The following NID2 variants were observed in gnomAD, a reference collection of about 807,000 sequenced individuals.
NID2 encodes the protein nidogen-2.
A neutral mutation model predicts 145.4 loss-of-function variants in NID2; 83 were observed. The observed-to-expected ratio is 0.57, with a 90% CI of 0.48 to 0.69. NID2 has a LOEUF of 0.69. NID2 is among the 30% of genes least tolerant of loss of function. NID2 has a pLI of 0.00. For missense variants in NID2, 1,807 were observed against 1,765.7 expected, an observed-to-expected ratio of 1.02 and a Z score of -0.42; for synonymous variants, 739 against 701.3, an observed-to-expected ratio of 1.05 and a Z score of -0.85.
In NID2 at chr14:52,053,677, A is replaced by G. The variant is rs756441750; in HGVS notation, c.1331T>C (p.Ile444Thr). 3 of 1,614,192 alleles carry G rather than the reference A, an allele frequency of 1.9e-6. No homozygotes were observed. The highest frequency in any genetic ancestry group is 2.5e-6 in the Non-Finnish European group (3 of 1,180,034). ...TGAAGCAGGGTAACTTCGAAGAACA[A>G]TTTCTTCTTCAGGATGAGCTGGGGG... The part of the protein sequence containing the change: ...DVPPAHPEEE[I>T]VLRSYPASGH... The change falls in exon 5 of 22, where the codon ATT becomes ACT. Residue 444 changes from isoleucine to threonine, a missense_variant. Coordinates refer to ENST00000216286, the MANE Select transcript of NID2 (RefSeq NM_007361.4).
rs544038948 is a variant in NID2, at chr14:52,043,032, TAACA to T, written c.1430-105_1430-102del. On this transcript the variant is annotated intron_variant, in intron 5 of 21. Transcript: ENST00000216286. ...TGCTCCATAGAAGCAGTTTAGATCATAACAAACAGTTTTTGATGTTTAAGAGACC... is the reference window on the plus strand; with the variant it reads ...TGCTCCATAGAAGCAGTTTAGATCATAACAGTTTTTGATGTTTAAGAGACC... 400 of 1,133,508 alleles carry T rather than the reference TAACA, an allele frequency of 3.5e-4. 4 individuals carry two copies. The African/African-American group carries it at 5.2e-3, about 15-fold the overall frequency. 70.2% of individuals were successfully genotyped at this position (1,133,508 alleles called of 1,614,324 possible).
intron 9 of NID2, among the ~76,000 whole-genome samples, chr14:52,034,598 G>T (rs778094041): frequency 5.3e-5 from 8 of 152,196 alleles, no homozygotes; most frequent in East Asian, 1.9e-4. Flanking sequence ...AGTCACTTTC[G>T]CATCCTAGAA....
rs575944489 is a variant in NID2 at position 52,005,061 on chromosome 14, T to G, written c.*425A>C. 1 of 160,800 alleles carries G rather than the reference T, an allele frequency of 6.2e-6. No homozygotes were observed. Among genetic ancestry groups the G allele is most frequent in the South Asian group, 2.0e-4 (1 of 4,988 alleles). 10.0% of individuals were successfully genotyped at this position (160,800 alleles called of 1,614,324 possible). A position where few individuals can be genotyped will look rare whatever the true frequency, so the allele number is the denominator to read the frequency against. On this transcript the variant is annotated 3_prime_UTR_variant, in exon 22 of 22. Coordinates refer to ENST00000216286, the MANE Select transcript of NID2 (RefSeq NM_007361.4). Reference sequence around the variant, plus strand: ...CTTTCCCATCAGTTCTGCATTGGCTTCTCCAACTGTCAAGGTTTAGGATTA... The same window carrying G: ...CTTTCCCATCAGTTCTGCATTGGCTGCTCCAACTGTCAAGGTTTAGGATTA...
chr14:52,005,749 A>AG lies in NID2; in HGVS notation c.4104dup (p.Tyr1369LeufsTer13). ...GCATACTTTTTACCTGTTGGGCAGTAGGGGTAGACTGCAGTTATCCCGTAG... is the reference window on the plus strand; with the variant it reads ...GCATACTTTTTACCTGTTGGGCAGTAGGGGGTAGACTGCAGTTATCCCGTAG... On this transcript the variant is annotated frameshift_variant, in exon 21 of 22. Coordinates refer to ENST00000216286, the MANE Select transcript of NID2 (RefSeq NM_007361.4). LOFTEE classifies it high-confidence loss of function. 6.2e-7 allele frequency: 1 copy of AG among 1,611,814 alleles called. No homozygotes were observed. Among genetic ancestry groups the AG allele is most frequent in the Non-Finnish European group, 8.5e-7 (1 of 1,177,872 alleles).
At chr14:52,006,373 G>T in intron 20 of NID2, 164 bp downstream of exon 20, 1 of 723,848 alleles carries the variant, frequency 1.4e-6, no homozygotes. Context: ...ATGAAAGGAT[G>T]AAAAACATCC....
intron 1 of NID2, 90 bp downstream of exon 1, chr14:52,068,677 C>T: frequency 8.4e-7 from 1 of 1,184,812 alleles, no homozygotes; most frequent in Non-Finnish European, 1.2e-6. Flanking sequence ...GGAGTGGGGT[C>T]TGTTTCCTCC....
At chr14:52,011,722 A>G (rs1266831552) in intron 16 of NID2, 39 bp from the exon 17 acceptor site, 6 of 1,612,414 alleles carry the variant, frequency 3.7e-6, no homozygotes, top group African/African-American at 2.7e-5. Context: ...GAATTAGGTT[A>G]CATTTCCCCT....
chr14:52,046,278 G>A (rs189962311), intron 5 of NID2, among the ~76,000 whole-genome samples: 48 of 130,170 alleles, frequency 3.7e-4, no homozygotes, highest in African/African-American at 1.4e-3. Context: ...AGCCGAGATC[G>A]CACCACTGCA....
Position 52,035,341 on chromosome 14 carries a change from C to T in NID2, c.2257+3406G>A, listed in dbSNP as rs543972961. 3.9e-5 allele frequency among the ~76,000 whole-genome samples: 6 copies of T among 152,312 alleles called. No individual in the cohort carries two copies. In the South Asian group the frequency reaches 1.0e-3, roughly 26 times the overall value. On this transcript the variant is annotated intron_variant, in intron 9 of 21. Coordinates refer to ENST00000216286, the MANE Select transcript of NID2 (RefSeq NM_007361.4). Reference sequence around the variant, plus strand: ...ACTGTCTCTATAGTGTAACCTTTTCCAGAATGTCATGGTTAGAATGATTCT... The same window carrying T: ...ACTGTCTCTATAGTGTAACCTTTTCTAGAATGTCATGGTTAGAATGATTCT...
At chr14:52,060,836 G>A (rs1290174697) in intron 2 of NID2, among the ~76,000 whole-genome samples, 4 of 152,188 alleles carry the variant, frequency 2.6e-5, no homozygotes, top group Non-Finnish European at 4.4e-5. Context: ...CAGGCACTGT[G>A]TTAGGCACTA....
chr14:52,014,027 A>G (rs1009951512), intron 16 of NID2: 3 of 529,776 alleles, frequency 5.7e-6, no homozygotes, highest in Admixed American at 3.1e-5. Context: ...TGTGCTGACA[A>G]CTCTAAAGTT....
At chr14:52,064,741 C>T (rs1893131005) in intron 2 of NID2, among the ~76,000 whole-genome samples, 1 of 152,214 alleles carries the variant, frequency 6.6e-6, no homozygotes, top group Non-Finnish European at 1.5e-5. Context: ...AGGTTGCTCT[C>T]TCAACCTTCT....
At chr14:52,065,312 C>G (rs919180010) in intron 2 of NID2, among the ~76,000 whole-genome samples, 1 of 152,066 alleles carries the variant, frequency 6.6e-6, no homozygotes, top group Non-Finnish European at 1.5e-5. Context: ...GTCCTTCAAG[C>G]AAATTAGATT....
intron 9 of NID2, among the ~76,000 whole-genome samples, chr14:52,034,666 T>A (rs149932529): frequency 6.6e-6 from 1 of 152,352 alleles, no homozygotes; most frequent in Admixed American, 6.5e-5. Flanking sequence ...ACTTCTTTAT[T>A]GAGCCTGCTG....
chr14:52,014,556 C>A lies in NID2; in HGVS notation c.3251-100G>T, dbSNP rs1256815319. 4.8e-6 allele frequency: 6 copies of A among 1,259,512 alleles called. No homozygotes were observed. In the South Asian group the frequency reaches 7.4e-5, roughly 16 times the overall value. 78.0% of individuals were successfully genotyped at this position (1,259,512 alleles called of 1,614,324 possible). On this transcript the variant is annotated intron_variant, in intron 15 of 21. Transcript: ENST00000216286. ...CACATACCAGAGCCTCCAAAAATAT[C>A]AAAAGTTCTTCGCCCTACGCAGATG...
At chr14:52,060,932 C>G (rs1323243920) in intron 2 of NID2, among the ~76,000 whole-genome samples, 1 of 152,146 alleles carries the variant, frequency 6.6e-6, no homozygotes, top group African/African-American at 2.4e-5. Context: ...CAGGGTTATC[C>G]TCATTTCACA....
chr14:52,026,468 C>G (rs1891590334), intron 12 of NID2, among the ~76,000 whole-genome samples: 1 of 152,214 alleles, frequency 6.6e-6, no homozygotes, highest in Non-Finnish European at 1.5e-5. Context: ...GTGTGTGACT[C>G]ACGTGAAACT....
chr14:52,059,964 G>T (rs1475988257), intron 3 of NID2, among the ~76,000 whole-genome samples, 160 bp downstream of exon 3: 4 of 152,310 alleles, frequency 2.6e-5, no homozygotes, highest in Admixed American at 2.6e-4. Context: ...TGGTGAACTT[G>T]ATCCTTCCAG....
intron 19 of NID2, 62 bp downstream of exon 19, chr14:52,007,748 T>G: frequency 7.2e-7 from 1 of 1,393,104 alleles, no homozygotes; most frequent in South Asian, 1.2e-5. Context: ...TAGTAAAATC[T>G]GTTAGTGCTC....
Sources: gnomAD v4.1 joint callset for allele counts (sites outside exome capture counted in the v4.1 genomes callset) on GRCh38, gnomAD v4.1.1 for gene constraint, MANE v1.5 for transcripts, NCBI Gene and HGNC (gene_info 2026-07-23, HGNC 2026-07-21) for gene names.